Variants in HERC1 observed in about 807,000 individuals in gnomAD.
HERC1 encodes probable E3 ubiquitin-protein ligase HERC1.
Under a neutral mutation model 554.3 loss-of-function variants are expected in HERC1, and 160 were observed. The observed-to-expected ratio is 0.29, with a 90% CI of 0.25 to 0.33. The LOEUF is 0.33. HERC1 is among the 10% of genes least tolerant of loss of function. HERC1 has a pLI of 1.00. For missense variants in HERC1, 4,919 were observed against 5,918.5 expected, an observed-to-expected ratio of 0.83 and a Z score of 5.54; for synonymous variants, 2,175 against 2,131.7, an observed-to-expected ratio of 1.02 and a Z score of -0.56.
At chr15:63,804,266 T>C (rs1189809733) in intron 1 of HERC1, among the ~76,000 whole-genome samples, 2 of 152,116 alleles carry the variant, frequency 1.3e-5, no homozygotes, top group East Asian at 3.9e-4. Context: ...CTAGACCTGA[T>C]CTAAATTAAA....
chr15:63,649,129 C>T (rs773468890), intron 54 of HERC1, among the ~76,000 whole-genome samples: 9 of 152,074 alleles, frequency 5.9e-5, no homozygotes, highest in Non-Finnish European at 7.4e-5. Context: ...CCAAGGTGGG[C>T]GGATCACAAG....
intron 1 of HERC1, among the ~76,000 whole-genome samples, chr15:63,825,196 A>G (rs2077852530): frequency 6.6e-6 from 1 of 152,082 alleles, no homozygotes; most frequent in Admixed American, 6.6e-5. Context: ...AGCTACTCCA[A>G]TGGCTAAGGC....
chr15:63,645,701 G>GA lies in HERC1; in HGVS notation c.10879-20dup, dbSNP rs553790798. On this transcript the variant is annotated intron_variant, in intron 55 of 77. Transcript: ENST00000443617. ...GAGTATCCTTAAAATGGAAGGAAGA[G>GA]AAAAAAAATCAGAGTAATGTTTCCT... is the stretch of plus-strand genomic sequence containing the variant. The GA allele has an allele frequency of 3.8e-4, 540 of 1,411,148 alleles. 3 individuals are homozygous for GA. The South Asian group carries it at 6.4e-3, about 17-fold the overall frequency. The allele number at this position is 1,411,148 out of a possible 1,614,324, so 87.4% of individuals were successfully genotyped here.
chr15:63,716,505 A>G (rs755432380), intron 21 of HERC1, 32 bp from the exon 22 acceptor site: 1 of 1,513,362 alleles, frequency 6.6e-7, no homozygotes, highest in East Asian at 2.3e-5. Flanking sequence ...TACACTAAAT[A>G]CATTTTTTCC....
At position 63,674,365 on chromosome 15, in the gene HERC1, T is replaced by G; in HGVS notation, c.7823A>C (p.Gln2608Pro). 6.2e-7 allele frequency: 1 copy of G among 1,605,648 alleles called. No individual in the cohort carries two copies. ...ACCTTGCTTAATTTTGCCCCCAAAC[T>G]GGTCTTCCAAAAGCCCATGAACCAC... ...KLVVHGLLED[Q>P]FGGKIKQEID... The change falls in exon 38 of 78, where the codon CAG becomes CCG. Residue 2608 changes from glutamine (Q) to proline (P), a missense_variant. Physicochemically the swap from Gln to Pro is moderately conservative, Grantham distance 76 (BLOSUM62 -1). Around this residue, in one of 11 missense-constraint regions of HERC1, gnomAD observed 1,963 missense variants for 2,228.6 expected, o/e 0.88. Transcript: ENST00000443617.
intron 51 of HERC1, among the ~76,000 whole-genome samples, chr15:63,653,734 T>C (rs2069841145): frequency 1.3e-5 from 2 of 152,228 alleles, no homozygotes; most frequent in Admixed American, 1.3e-4. Flanking sequence ...ACTGTACTTT[T>C]CATTTGTATT....
At position 63,616,679 on chromosome 15, in the gene HERC1, G is replaced by A. The variant is rs775085719; in HGVS notation, c.13692C>T (p.Phe4564=). The A allele has an allele frequency of 3.0e-5, 48 of 1,612,172 alleles. 1 individual carries two copies. In the South Asian group the frequency reaches 5.2e-4, roughly 17 times the overall value. The change falls in exon 75 of 78, where the codon TTC becomes TTT. Residue 4564 remains phenylalanine (F), a synonymous_variant. Transcript: ENST00000443617. The part of the protein sequence containing the change: ...TAEVGYNRDR[F]LFNPSACLDE... Reference sequence around the variant, plus strand: ...CGAGGCAGGCAGAAGGGTTAAAAAGGAACCTGTAAAATTAAAGGGAATATT... The same window carrying A: ...CGAGGCAGGCAGAAGGGTTAAAAAGAAACCTGTAAAATTAAAGGGAATATT...
chr15:63,666,202 TTTATG>T (rs2070626659), intron 41 of HERC1, 52 bp from the exon 42 acceptor site: 3 of 1,493,386 alleles, frequency 2.0e-6, no homozygotes, highest in Non-Finnish European at 2.7e-6. Context: ...GAATTAGGTC[TTTATG>T]TTATAAGAGT....
At position 63,613,967 on chromosome 15, in the gene HERC1, C is replaced by G. The variant is rs548367205; in HGVS notation, c.14095-1411G>C. On this transcript the variant is annotated intron_variant, in intron 76 of 77. Transcript: ENST00000443617. ...AAACAAAAACGAACAAGCTGTTATGCTTGGTGGAACACAAAACAAAAGCTG... is the reference window on the plus strand; with the variant it reads ...AAACAAAAACGAACAAGCTGTTATGGTTGGTGGAACACAAAACAAAAGCTG... Among the ~76,000 whole-genome samples the G allele has an allele frequency of 1.6e-4, 25 of 152,290 alleles. 1 individual carries two copies. In the South Asian group the frequency reaches 4.8e-3, roughly 29 times the overall value.
chr15:63,682,676 T>G (rs62014183), intron 34 of HERC1, among the ~76,000 whole-genome samples: 25,266 of 152,070 alleles, frequency 0.17, 2,311 homozygotes, highest in Middle Eastern at 0.22. Flanking sequence ...AAGCTGAGCT[T>G]TTGCTATTGC....
intron 1 of HERC1, among the ~76,000 whole-genome samples, chr15:63,812,302 G>A (rs988986269): frequency 1.5e-4 from 23 of 152,180 alleles, no homozygotes; most frequent in African/African-American, 4.8e-4. Flanking sequence ...CATTTCCATT[G>A]TTTCAAAACA....
rs1282518771 is a variant in HERC1 at position 63,656,234 on chromosome 15, T to G, written c.9724A>C (p.Met3242Leu). The change falls in exon 49 of 78, where the codon ATG (methionine) becomes CTG (leucine). Residue 3242 changes from methionine (M) to leucine (L), a missense_variant. Met to Leu is a conservative substitution (Grantham distance 15). This residue lies in a region of HERC1 where 1,963 missense variants were observed against 2,228.6 expected (regional missense o/e 0.88). Coordinates refer to ENST00000443617, the MANE Select transcript of HERC1 (RefSeq NM_003922.4). ...RAGLSTSPSA[M>L]ASTSERSRGG... is the part of the protein sequence containing the mutation. ...CGTGATCGTTCTGAGGTGCTAGCCATGGCAGAAGGGCTGGTGGAGAGGCCA... is the reference window on the plus strand; with the variant it reads ...CGTGATCGTTCTGAGGTGCTAGCCAGGGCAGAAGGGCTGGTGGAGAGGCCA... 6.2e-7 allele frequency: 1 copy of G among 1,613,798 alleles called. No homozygotes were observed. Among genetic ancestry groups the G allele is most frequent in the Non-Finnish European group, 8.5e-7 (1 of 1,179,794 alleles).
chr15:63,659,694 G>C, intron 47 of HERC1, 42 bp downstream of exon 47: 1 of 1,389,990 alleles, frequency 7.2e-7, no homozygotes, highest in Non-Finnish European at 1.0e-6. Flanking sequence ...ACAAATTATA[G>C]TAGATGCTAT....
At chr15:63,797,605 A>G (rs2076851528) in intron 1 of HERC1, among the ~76,000 whole-genome samples, 1 of 152,118 alleles carries the variant, frequency 6.6e-6, no homozygotes, top group Admixed American at 6.5e-5. Flanking sequence ...TGAAAACCCT[A>G]AACTCCAAGC....
chr15:63,802,312 T>C (rs1470383625), intron 1 of HERC1, among the ~76,000 whole-genome samples: 1 of 152,230 alleles, frequency 6.6e-6, no homozygotes, highest in African/African-American at 2.4e-5. Context: ...ATTATTGCTA[T>C]TTAAGAAAGT....
intron 18 of HERC1, among the ~76,000 whole-genome samples, chr15:63,724,377 C>T (rs1363188482): frequency 6.6e-6 from 1 of 152,200 alleles, no homozygotes; most frequent in Non-Finnish European, 1.5e-5. Flanking sequence ...GCCAAAATCA[C>T]TTTCTGGTTC....
At chr15:63,621,629 A>G (rs1021439620) in intron 74 of HERC1, among the ~76,000 whole-genome samples, 8 of 152,138 alleles carry the variant, frequency 5.3e-5, no homozygotes, top group African/African-American at 9.7e-5. Context: ...AGGTACACCA[A>G]TCAGATGTAG....
At chr15:63,667,841 T>C (rs1219321007) in intron 40 of HERC1, among the ~76,000 whole-genome samples, 1 of 152,232 alleles carries the variant, frequency 6.6e-6, no homozygotes, top group African/African-American at 2.4e-5. Flanking sequence ...CTTCTGCCTC[T>C]GCCACTCCTG....
In HERC1 at chr15:63,729,325, AAAAGC is replaced by A; in HGVS notation, c.3060_3064del (p.Gln1020HisfsTer47). Reference sequence around the variant, plus strand: ...ATAAATATCTGTGGCATGAGGCAACAAAAGCTGAAGATGTTTATGAAGCAATGCCA... The same window carrying A: ...ATAAATATCTGTGGCATGAGGCAACATGAAGATGTTTATGAAGCAATGCCA... On this transcript the variant is annotated frameshift_variant, in exon 16 of 78. Coordinates refer to ENST00000443617, the MANE Select transcript of HERC1 (RefSeq NM_003922.4). LOFTEE classifies it high-confidence loss of function. 6.2e-7 allele frequency: 1 copy of A among 1,611,160 alleles called. No homozygotes were observed. The highest frequency in any genetic ancestry group is 8.5e-7 in the Non-Finnish European group (1 of 1,178,602).
Sources: gnomAD v4.1 joint callset for allele counts (sites outside exome capture counted in the v4.1 genomes callset) on GRCh38, gnomAD v4.1.1 for gene constraint, gnomAD v4.1.1 regional missense constraint, MANE v1.5 for transcripts, NCBI Gene and HGNC (gene_info 2026-07-23, HGNC 2026-07-21) for gene names.